QSOX2: variants seen among roughly 807,000 people sequenced by gnomAD.
The protein encoded by QSOX2 is quiescin sulfhydryl oxidase 2.
Under a neutral mutation model 61.7 loss-of-function variants are expected in QSOX2, and 46 were observed. That is an observed-to-expected ratio of 0.75 (90% CI 0.59 to 0.95). The LOEUF is 0.95. Among genes scored for constraint, QSOX2 ranks in the 40% least tolerant of loss-of-function variants. QSOX2 has a pLI of 0.00. For missense variants in QSOX2, 879 were observed against 918.9 expected (o/e 0.96, Z 0.56); for synonymous variants, 383 against 388.4 (o/e 0.99, Z 0.16).
chr9:136,210,546 T>A (rs1222333920), intron 11 of QSOX2: 13 of 985,318 alleles, frequency 1.3e-5, no homozygotes, highest in Non-Finnish European at 1.6e-5. Context: ...GAAGCTGCGC[T>A]GACCGAGGGA....
At chr9:136,243,350 T>C (rs1000874063) in intron 1 of QSOX2, among the ~76,000 whole-genome samples, 6 of 152,238 alleles carry the variant, frequency 3.9e-5, no homozygotes, top group African/African-American at 1.2e-4. Flanking sequence ...ATTTACCCTC[T>C]ATTCTCCCCA....
rs377581112 is a variant in QSOX2 at position 136,218,821 on chromosome 9, A to G, written c.957-13T>C. ...GTACAGCTTCGACCTAGGACGGGAT[A>G]TGGCAGCGTCAGGGAATGCCCAACC... On this transcript the variant is annotated splice_polypyrimidine_tract_variant and intron_variant, in intron 7 of 11. Coordinates refer to ENST00000358701, the MANE Select transcript of QSOX2 (RefSeq NM_181701.4). 26 of 1,610,330 alleles carry G rather than the reference A, an allele frequency of 1.6e-5. No individual in the cohort carries two copies. The highest frequency in any genetic ancestry group is 2.1e-5 in the Non-Finnish European group (25 of 1,177,936).
intron 1 of QSOX2, among the ~76,000 whole-genome samples, chr9:136,228,044 A>G (rs1027029810): frequency 6.6e-6 from 1 of 152,098 alleles, no homozygotes; most frequent in African/African-American, 2.4e-5. Context: ...GGGTCCTGGC[A>G]CTTTCCTTCT....
chr9:136,207,358 C>G lies in QSOX2; in HGVS notation c.*1370G>C, dbSNP rs1831778341. ...TCTACAACCGTCAAAGTCTCTCTCT[C>G]TCTCATACACACACACACACACACA... On this transcript the variant is annotated 3_prime_UTR_variant, in exon 12 of 12. Transcript: ENST00000358701. 8.9e-6 allele frequency: 1 copy of G among 112,538 alleles called. No homozygotes were observed. The highest frequency in any genetic ancestry group is 1.8e-5 in the Non-Finnish European group (1 of 55,448). 7.0% of individuals were successfully genotyped at this position (112,538 alleles called of 1,614,324 possible).
intron 1 of QSOX2, among the ~76,000 whole-genome samples, chr9:136,242,021 TCCA>T (rs1564299353): frequency 6.6e-6 from 1 of 152,190 alleles, no homozygotes; most frequent in Non-Finnish European, 1.5e-5. Context: ...TGCCTCATCT[TCCA>T]TCACAAACCC....
chr9:136,232,365 T>G (rs1281327143), intron 1 of QSOX2, among the ~76,000 whole-genome samples: 1 of 152,152 alleles, frequency 6.6e-6, no homozygotes, highest in Non-Finnish European at 1.5e-5. Flanking sequence ...AATACGCACA[T>G]TTTTTCAACA....
At position 136,208,722 on chromosome 9, in the gene QSOX2, G is replaced by A. The variant is rs377326588; in HGVS notation, c.*6C>T. ...GCTTCCGCCGTGGCTGGCAGCACCC[G>A]GGCACTCACACGGCCGGGTGGTGGT... On this transcript the variant is annotated 3_prime_UTR_variant, in exon 12 of 12. Coordinates refer to ENST00000358701, the MANE Select transcript of QSOX2 (RefSeq NM_181701.4). The A allele has an allele frequency of 1.7e-4, 266 of 1,598,288 alleles. 1 individual carries two copies. The highest frequency in any genetic ancestry group is 1.2e-3 in the African/African-American group (90 of 74,686).
chr9:136,219,137 C>A lies in QSOX2; in HGVS notation c.849G>T (p.Ser283=). ...CATCCGGCAATGACTTCAAATAAGA[C>A]GAAAAGAAGGCCCGCAGAGGCTTCA... The part of the protein sequence containing the change: ...NVVKPLRAFF[S]SYLKSLPDVR... The change falls in exon 7 of 12, where the codon TCG becomes TCT. Residue 283 remains serine (S), a synonymous_variant. Transcript: ENST00000358701. The A allele has an allele frequency of 4.3e-6, 7 of 1,613,892 alleles. No homozygotes were observed. The highest frequency in any genetic ancestry group is 5.9e-6 in the Non-Finnish European group (7 of 1,179,966).
chr9:136,226,794 G>C lies in QSOX2; in HGVS notation c.409C>G (p.His137Asp), dbSNP rs897755421. 2.5e-6 allele frequency: 4 copies of C among 1,614,096 alleles called. No individual in the cohort carries two copies. Among genetic ancestry groups the C allele is most frequent in the Non-Finnish European group, 3.4e-6 (4 of 1,179,930 alleles). ...CTCACCCGGAAGGTGGGGTAGAAGT[G>C]GATGTCGTAGTCATGGCACACGGCC... ...NQAVCHDYDIHFYPTFRYFKA... is the reference protein window; with the variant it reads ...NQAVCHDYDIDFYPTFRYFKA... Residue 137 changes from histidine (H) to aspartate (D), a missense_variant, in exon 2 of 12, where the codon CAC (histidine) becomes GAC (aspartate). By Grantham distance (81) the His-to-Asp change is moderately conservative. Transcript: ENST00000358701.
In QSOX2 at chr9:136,228,615, C is replaced by T. The variant is rs532697978; in HGVS notation, c.329-1741G>A. On this transcript the variant is annotated intron_variant, in intron 1 of 11. Coordinates refer to ENST00000358701, the MANE Select transcript of QSOX2 (RefSeq NM_181701.4). ...TGGAGCCTGGAGGCCTCAGCAGAGT[C>T]GGCAGTGTGGCAGGGCACGCCGCAC... is the stretch of plus-strand genomic sequence containing the variant. Among the ~76,000 whole-genome samples the T allele has an allele frequency of 8.5e-5, 13 of 152,290 alleles. No individual in the cohort carries two copies. The South Asian group carries it at 2.5e-3, about 29-fold the overall frequency.
rs377483537 is a variant in QSOX2, at chr9:136,223,736, C to T, written c.675+27G>A. 270 of 1,587,278 alleles carry T rather than the reference C, an allele frequency of 1.7e-4. 4 individuals are homozygous for T. In the Middle Eastern group the frequency reaches 2.3e-3, roughly 13 times the overall value. On this transcript the variant is annotated intron_variant, in intron 5 of 11. Coordinates refer to ENST00000358701, the MANE Select transcript of QSOX2 (RefSeq NM_181701.4). This position sits in a 1 kb window ranked among gnomAD's most constrained non-coding sequence, Gnocchi z 4.4. ...CCAACCCCAATCACACCACGTGTGACACCTGGAGCCCACGCAGAGGCCGTA... is the reference window on the plus strand; with the variant it reads ...CCAACCCCAATCACACCACGTGTGATACCTGGAGCCCACGCAGAGGCCGTA...
chr9:136,233,331 C>T (rs529881056), intron 1 of QSOX2, among the ~76,000 whole-genome samples: 73 of 152,174 alleles, frequency 4.8e-4, no homozygotes, highest in Non-Finnish European at 7.2e-4. Context: ...CCCCTGGCCA[C>T]GAAGAACTCA....
At position 136,208,518 on chromosome 9, in the gene QSOX2, T is replaced by A. The variant is rs1831803552; in HGVS notation, c.*210A>T. On this transcript the variant is annotated 3_prime_UTR_variant, in exon 12 of 12. Transcript: ENST00000358701. ...TGAACAGACTTGAGTACGCCAGGAA[T>A]GCAAATATCCCCACAAAATTACCCC... The A allele has an allele frequency of 3.5e-6, 2 of 570,144 alleles. No homozygotes were observed. The highest frequency in any genetic ancestry group is 6.0e-6 in the Non-Finnish European group (2 of 331,850). The allele number at this position is 570,144 out of a possible 1,614,324, so 35.3% of individuals were successfully genotyped here.
intron 1 of QSOX2, among the ~76,000 whole-genome samples, chr9:136,228,960 G>A (rs1250802505): frequency 6.6e-6 from 1 of 152,216 alleles, no homozygotes; most frequent in African/African-American, 2.4e-5. Context: ...GCCTGGAAGA[G>A]ACGGAACATA....
rs1341858043 is a variant in QSOX2, at chr9:136,221,270, GC to G, written c.821+525del. Among the ~76,000 whole-genome samples, 2 of 152,138 alleles carry G rather than the reference GC, an allele frequency of 1.3e-5. No homozygotes were observed. Among genetic ancestry groups the G allele is most frequent in the Admixed American group, 1.3e-4 (2 of 15,288 alleles). ...GGCGAAGGGCTTATCCTCATGAGGG[GC>G]ACACGGGCACCCCACGCAGAGGCAA... On this transcript the variant is annotated intron_variant, in intron 6 of 11. Coordinates refer to ENST00000358701, the MANE Select transcript of QSOX2 (RefSeq NM_181701.4). The surrounding 1 kb of genome is among the most constrained non-coding windows in gnomAD (Gnocchi z 4.5).
chr9:136,235,452 A>G (rs1423069363), intron 1 of QSOX2, among the ~76,000 whole-genome samples: 1 of 152,198 alleles, frequency 6.6e-6, no homozygotes, highest in Admixed American at 6.5e-5. Context: ...CGGCCGCGGG[A>G]GCACCTGGAG....
At chr9:136,239,552 C>T (rs1830418049) in intron 1 of QSOX2, among the ~76,000 whole-genome samples, 1 of 152,262 alleles carries the variant, frequency 6.6e-6, no homozygotes, top group African/African-American at 2.4e-5. Context: ...AGATGAATTT[C>T]CAGCGCAAAT....
At position 136,224,072 on chromosome 9, in the gene QSOX2, A is replaced by T; in HGVS notation, c.519T>A (p.Ile173=). Residue 173 remains isoleucine (I), a synonymous_variant, in exon 4 of 12, where the codon ATT becomes ATA. Transcript: ENST00000358701. ...CTTCCGTGTGGTTCTGCAGGAAGTCAATCATCGTCTGTCTGACTGTTCGCA... is the reference window on the plus strand; with the variant it reads ...CTTCCGTGTGGTTCTGCAGGAAGTCTATCATCGTCTGTCTGACTGTTCGCA... ...RELRTVRQTM[I]DFLQNHTEGS... 6.2e-7 allele frequency: 1 copy of T among 1,613,998 alleles called. No homozygotes were observed. The highest frequency in any genetic ancestry group is 8.5e-7 in the Non-Finnish European group (1 of 1,179,996).
intron 1 of QSOX2, among the ~76,000 whole-genome samples, chr9:136,234,240 T>C (rs1182554914): frequency 6.6e-6 from 1 of 152,260 alleles, no homozygotes; most frequent in African/African-American, 2.4e-5. Flanking sequence ...GGAACACGTG[T>C]AACACACAAA....
Sources: allele counts gnomAD v4.1 joint callset (sites outside exome capture counted in the v4.1 genomes callset), GRCh38; gene constraint gnomAD v4.1.1; non-coding constraint Gnocchi (gnomAD v3.1); transcripts MANE v1.5; gene names NCBI Gene and HGNC (gene_info 2026-07-23, HGNC 2026-07-21).